Variants in ARHGAP6 observed in about 807,000 individuals in gnomAD.
ARHGAP6 encodes rho GTPase-activating protein 6.
ARHGAP6 carries 16 observed loss-of-function variants against 55.7 expected under a neutral mutation model. That is an observed-to-expected ratio of 0.29 (90% CI 0.19 to 0.44). ARHGAP6 has a LOEUF of 0.44. ARHGAP6 is among the 20% of genes least tolerant of loss of function. The probability of loss-of-function intolerance (pLI) is 1.00; values close to 1 mark genes in which losing one functional copy is unlikely to be tolerated. For synonymous variants in ARHGAP6, 382 were observed against 360.9 expected, an observed-to-expected ratio of 1.06 and a Z score of -0.66; for missense variants, 698 against 808.9, an observed-to-expected ratio of 0.86 and a Z score of 1.66.
intron 2 of ARHGAP6, among the ~76,000 whole-genome samples, chrX:11,232,474 A>C (rs186258106): frequency 0.011 from 1,175 of 109,952 alleles, 6 homozygotes; most frequent in Admixed American, 0.014. Flanking sequence ...TACACACAAA[A>C]AAAAAAAATT....
At chrX:11,437,130 C>G (rs2049994837) in intron 1 of ARHGAP6, among the ~76,000 whole-genome samples, 1 of 111,083 alleles carries the variant, frequency 9.0e-6, no homozygotes, top group Non-Finnish European at 1.9e-5. Flanking sequence ...GACTTTATAA[C>G]AAATCTAGAT....
At position 11,173,217 on chromosome X, in the gene ARHGAP6, C is replaced by T. The variant is rs145679422; in HGVS notation, c.1630-3533G>A. Among the ~76,000 whole-genome samples the T allele has an allele frequency of 5.2e-3, 585 of 111,860 alleles. 2 individuals carry two copies. The highest frequency in any genetic ancestry group is 7.5e-3 in the Non-Finnish European group (396 of 53,152). On this transcript the variant is annotated intron_variant, in intron 8 of 12. Transcript: ENST00000337414. The stretch of plus-strand genomic sequence containing the variant: ...CAGACCCAGCCATGGCATGGGGAAA[C>T]GGGAAAACGAGCTTTAAAACAGGGC...
chrX:11,558,334 T>C (rs2147092388), intron 1 of ARHGAP6, among the ~76,000 whole-genome samples: 1 of 111,742 alleles, frequency 8.9e-6, no homozygotes, highest in African/African-American at 3.3e-5. Flanking sequence ...TCAACAGGCA[T>C]TTGAACATCG....
intron 1 of ARHGAP6, among the ~76,000 whole-genome samples, chrX:11,648,354 T>C (rs995961850): frequency 8.9e-6 from 1 of 112,140 alleles, no homozygotes; most frequent in East Asian, 2.8e-4. Flanking sequence ...GTAATAAACC[T>C]GTTGCCAAAG....
At chrX:11,551,336 C>A (rs375113752) in intron 1 of ARHGAP6, among the ~76,000 whole-genome samples, 3 of 111,803 alleles carry the variant, frequency 2.7e-5, no homozygotes, top group East Asian at 5.6e-4. Context: ...CATCTACAGG[C>A]TAATTGCCAG....
At position 11,244,700 on chromosome X, in the gene ARHGAP6, A is replaced by C. The variant is rs140020325; in HGVS notation, c.748+9848T>G. On this transcript the variant is annotated intron_variant, in intron 2 of 12. Transcript: ENST00000337414. ...GTTTATTTTGGGCTATGATCCCAAA[A>C]GAGAATATAGTGCAGTCTTGAAATC... 1.4e-4 allele frequency among the ~76,000 whole-genome samples: 16 copies of C among 112,450 alleles called. No homozygotes were observed. The East Asian group carries it at 4.5e-3, about 31-fold the overall frequency.
chrX:11,349,378 T>C (rs746362825), intron 1 of ARHGAP6, among the ~76,000 whole-genome samples: 4 of 111,321 alleles, frequency 3.6e-5, no homozygotes, highest in Admixed American at 9.5e-5. Flanking sequence ...TACCTTATTT[T>C]TTACCGTGTA....
intron 1 of ARHGAP6, among the ~76,000 whole-genome samples, chrX:11,626,464 A>C (rs2052299501): frequency 8.9e-6 from 1 of 112,099 alleles, no homozygotes; most frequent in African/African-American, 3.2e-5. Flanking sequence ...GACTGTATAA[A>C]AAATTAAAAT....
chrX:11,350,117 A>G (rs1192011549), intron 1 of ARHGAP6, among the ~76,000 whole-genome samples: 1 of 111,419 alleles, frequency 9.0e-6, no homozygotes, highest in African/African-American at 3.3e-5. Flanking sequence ...AAGTCACTTA[A>G]CCCCTCTGGG....
intron 1 of ARHGAP6, among the ~76,000 whole-genome samples, chrX:11,557,102 G>C (rs536598796): frequency 8.9e-6 from 1 of 112,435 alleles, no homozygotes; most frequent in African/African-American, 3.2e-5. Flanking sequence ...AGGAAGAAGA[G>C]GAGAGGAAGA....
chrX:11,411,183 T>TTTTATATATA (rs1196355643), intron 1 of ARHGAP6, among the ~76,000 whole-genome samples: 49 of 31,791 alleles, frequency 1.5e-3, no homozygotes, highest in Middle Eastern at 0.019. Flanking sequence ...CAGACATTAT[T>TTTTATATATA]TATATATATA....
At chrX:11,332,778 A>G (rs1347624412) in intron 1 of ARHGAP6, among the ~76,000 whole-genome samples, 37 of 112,221 alleles carry the variant, frequency 3.3e-4, no homozygotes, top group Non-Finnish European at 5.6e-5. Flanking sequence ...CAAGTTTTAC[A>G]TGTTATCATT....
chrX:11,525,966 A>T (rs1316129006), intron 1 of ARHGAP6, among the ~76,000 whole-genome samples: 1 of 111,898 alleles, frequency 8.9e-6, no homozygotes, highest in African/African-American at 3.2e-5. Context: ...CAGAAAAGTA[A>T]CAGAGAGCTA....
chrX:11,416,591 A>C (rs962086804), intron 1 of ARHGAP6, among the ~76,000 whole-genome samples: 1 of 111,197 alleles, frequency 9.0e-6, no homozygotes, highest in Admixed American at 9.6e-5. Context: ...CCAGTTCATC[A>C]TGATAAGGTT....
At chrX:11,494,759 T>C (rs2050605795) in intron 1 of ARHGAP6, among the ~76,000 whole-genome samples, 1 of 111,758 alleles carries the variant, frequency 8.9e-6, no homozygotes, top group Non-Finnish European at 1.9e-5. Flanking sequence ...AGAGAGATTT[T>C]TGTAAACAAC....
intron 1 of ARHGAP6, among the ~76,000 whole-genome samples, chrX:11,285,361 T>C (rs1290327376): frequency 9.0e-6 from 1 of 111,481 alleles, no homozygotes; most frequent in African/African-American, 3.3e-5. Flanking sequence ...TTAAAATAAA[T>C]GTAAGTCAGC....
At chrX:11,582,768 TTAAATA>T (rs2051679954) in intron 1 of ARHGAP6, among the ~76,000 whole-genome samples, 1 of 111,517 alleles carries the variant, frequency 9.0e-6, no homozygotes. Context: ...AATATTAATA[TTAAATA>T]TAACTGTGAG....
chrX:11,586,211 G>T (rs1292782135), intron 1 of ARHGAP6, among the ~76,000 whole-genome samples: 1 of 111,948 alleles, frequency 8.9e-6, no homozygotes, highest in East Asian at 2.8e-4. Flanking sequence ...CTTTTGTTGT[G>T]ATTGCTTTTG....
At chrX:11,467,875 G>A (rs1331310704) in intron 1 of ARHGAP6, among the ~76,000 whole-genome samples, 1 of 110,430 alleles carries the variant, frequency 9.1e-6, no homozygotes, top group African/African-American at 3.3e-5. Flanking sequence ...AGCTACTCAG[G>A]AGGCTGAGGC....
Sources: gnomAD v4.1 joint callset for allele counts (sites outside exome capture counted in the v4.1 genomes callset) on GRCh38, gnomAD v4.1.1 for gene constraint, MANE v1.5 for transcripts, NCBI Gene and HGNC (gene_info 2026-07-23, HGNC 2026-07-21) for gene names.